The following KANSL2 variants were observed in gnomAD, a reference collection of about 807,000 sequenced individuals.
The protein encoded by KANSL2 is NSL complex protein NSL2.
A neutral mutation model predicts 55.6 loss-of-function variants in KANSL2; 34 were observed. The observed-to-expected ratio is 0.61, with a 90% confidence interval of 0.46 to 0.81. KANSL2 has a LOEUF of 0.81. KANSL2 is among the 40% of genes least tolerant of loss of function. The pLI, the probability that KANSL2 is intolerant of heterozygous loss-of-function variation, is 0.00. For synonymous variants in KANSL2, 209 were observed against 214.3 expected (o/e 0.98, Z 0.22); for missense variants, 502 against 609.9 (o/e 0.82, Z 1.86).
chr12:48,655,222 G>C (rs1488080721), intron 8 of KANSL2, among the ~76,000 whole-genome samples, 162 bp from the exon 9 acceptor site: 3 of 151,924 alleles, frequency 2.0e-5, no homozygotes, highest in Admixed American at 1.3e-4. Context: ...AATGAAACAA[G>C]ATCCAAAAGC....
chr12:48,669,289 C>A lies in KANSL2; in HGVS notation c.710-17G>T. On this transcript the variant is annotated splice_polypyrimidine_tract_variant and intron_variant, in intron 5 of 9. Coordinates refer to ENST00000420613, the MANE Select transcript of KANSL2 (RefSeq NM_017822.4). ...GACTACTGCCTAGAGTTACAAGAGTCAAGATGTTATTTGCCAAGCAATCCA... is the reference window on the plus strand; with the variant it reads ...GACTACTGCCTAGAGTTACAAGAGTAAAGATGTTATTTGCCAAGCAATCCA... 6.6e-7 allele frequency: 1 copy of A among 1,512,842 alleles called. No homozygotes were observed. Among genetic ancestry groups the A allele is most frequent in the Non-Finnish European group, 8.9e-7 (1 of 1,127,224 alleles). 93.7% of individuals were successfully genotyped at this position (1,512,842 alleles called of 1,614,324 possible). A position where few individuals can be genotyped will look rare whatever the true frequency, so the allele number is the denominator to read the frequency against.
At chr12:48,679,916 T>C in intron 2 of KANSL2, 83 bp from the exon 3 acceptor site, 1 of 1,173,176 alleles carries the variant, frequency 8.5e-7, no homozygotes, top group Non-Finnish European at 1.2e-6. Flanking sequence ...CTTTAAATCA[T>C]TTTTAGGGAA....
intron 8 of KANSL2, among the ~76,000 whole-genome samples, chr12:48,656,136 A>G (rs1939375817): frequency 6.6e-6 from 1 of 152,224 alleles, no homozygotes; most frequent in Non-Finnish European, 1.5e-5. Context: ...AAGCAAGCAA[A>G]CAAGCTCCAA....
At position 48,670,577 on chromosome 12, in the gene KANSL2, A is replaced by G. The variant is rs542773506; in HGVS notation, c.709+1222T>C. 1.8e-4 allele frequency among the ~76,000 whole-genome samples: 27 copies of G among 152,300 alleles called. No homozygotes were observed. In the South Asian group the frequency reaches 5.4e-3, roughly 30 times the overall value. ...TTTAATTAAAACTAGAAAAGCTTAT[A>G]GGGATATAAAAAAAATTTTTGTACA... is the stretch of plus-strand genomic sequence containing the variant. On this transcript the variant is annotated intron_variant, in intron 5 of 9. Coordinates refer to ENST00000420613, the MANE Select transcript of KANSL2 (RefSeq NM_017822.4).
Position 48,681,624 on chromosome 12 carries a change from C to G in KANSL2, c.9G>C (p.Arg3Ser), listed in dbSNP as rs1180843432. 6.2e-7 allele frequency: 1 copy of G among 1,614,038 alleles called. No homozygotes were observed. Among genetic ancestry groups the G allele is most frequent in the South Asian group, 1.1e-5 (1 of 91,086 alleles). The change falls in exon 2 of 10, where the codon AGG (arginine) becomes AGC (serine). Residue 3 changes from arginine (R) to serine (S), a missense_variant. By Grantham distance (110) the Arg-to-Ser change is moderately radical. Coordinates refer to ENST00000420613, the MANE Select transcript of KANSL2 (RefSeq NM_017822.4). MN[R>S]IRIHVLPTNR... The stretch of plus-strand genomic sequence containing the variant: ...TGGTTGGCAAGACGTGAATCCGAAT[C>G]CTGTTCATAACCAAAACCTGCGGGG...
chr12:48,666,554 G>A (rs1025969201), intron 7 of KANSL2, among the ~76,000 whole-genome samples: 59 of 151,144 alleles, frequency 3.9e-4, no homozygotes, highest in African/African-American at 1.4e-3. Flanking sequence ...TTAGCCAGGC[G>A]TGGTGGCACG....
chr12:48,671,565 T>TACC (rs753453234), intron 5 of KANSL2, among the ~76,000 whole-genome samples: 3 of 152,218 alleles, frequency 2.0e-5, no homozygotes, highest in Non-Finnish European at 4.4e-5. Flanking sequence ...GGTACACAAA[T>TACC]ACCACTGTTA....
intron 7 of KANSL2, among the ~76,000 whole-genome samples, chr12:48,665,563 C>CA (rs901443899): frequency 4.6e-5 from 7 of 151,368 alleles, no homozygotes; most frequent in Admixed American, 1.3e-4. Flanking sequence ...GATTCTGTCT[C>CA]AAAAAAAACA....
intron 1 of KANSL2, 43 bp from the exon 2 acceptor site, chr12:48,681,684 G>T: frequency 6.2e-7 from 1 of 1,612,190 alleles, no homozygotes; most frequent in Non-Finnish European, 8.5e-7. Context: ...TACCCTTCCC[G>T]AAAATTCCTG....
intron 3 of KANSL2, among the ~76,000 whole-genome samples, 187 bp downstream of exon 3, chr12:48,679,468 A>C (rs1939882073): frequency 6.6e-6 from 1 of 152,246 alleles, no homozygotes; most frequent in South Asian, 2.1e-4. Context: ...AACTCAGGAA[A>C]GTAAACCTAG....
At chr12:48,673,276 C>A (rs1356171464) in intron 4 of KANSL2, among the ~76,000 whole-genome samples, 1 of 152,072 alleles carries the variant, frequency 6.6e-6, no homozygotes, top group Non-Finnish European at 1.5e-5. Flanking sequence ...AAAAGAATAT[C>A]TGGCCAGGCA....
rs374822472 is a variant in KANSL2 at position 48,669,197 on chromosome 12, C to T, written c.785G>A (p.Arg262Gln). 27 of 1,559,128 alleles carry T rather than the reference C, an allele frequency of 1.7e-5. No individual in the cohort carries two copies. The highest frequency in any genetic ancestry group is 2.2e-5 in the Non-Finnish European group (25 of 1,150,744). ...CACTCCATAGCGCTGGCGGTATCGTCGCAGACATTTTAATCGCTTTAAGTT... is the reference window on the plus strand; with the variant it reads ...CACTCCATAGCGCTGGCGGTATCGTTGCAGACATTTTAATCGCTTTAAGTT... The part of the protein sequence containing the change: ...RENLKRLKCL[R>Q]RYRQRYGVEA... The change falls in exon 6 of 10, where the codon CGA (arginine) becomes CAA (glutamine). Residue 262 changes from arginine to glutamine, a missense_variant. Coordinates refer to ENST00000420613, the MANE Select transcript of KANSL2 (RefSeq NM_017822.4).
chr12:48,680,756 C>T (rs1168725478), intron 2 of KANSL2, among the ~76,000 whole-genome samples: 1 of 148,672 alleles, frequency 6.7e-6, no homozygotes, highest in African/African-American at 2.5e-5. Flanking sequence ...GCGGATGGAT[C>T]ACCTGAGGTC....
chr12:48,664,476 T>C (rs1939551234), intron 7 of KANSL2, among the ~76,000 whole-genome samples: 2 of 151,918 alleles, frequency 1.3e-5, no homozygotes, highest in South Asian at 4.2e-4. Context: ...GATGGGGTTT[T>C]GCCGTGTTAG....
intron 7 of KANSL2, 180 bp downstream of exon 7, chr12:48,667,513 C>A: frequency 1.4e-6 from 1 of 732,400 alleles, no homozygotes; most frequent in South Asian, 1.4e-5. Context: ...AAATGGCCAA[C>A]AGACCATAGA....
At chr12:48,660,169 G>A (rs1033126558) in intron 8 of KANSL2, among the ~76,000 whole-genome samples, 197 bp downstream of exon 8, 1 of 152,122 alleles carries the variant, frequency 6.6e-6, no homozygotes, top group Non-Finnish European at 1.5e-5. Context: ...AAAAGGTATG[G>A]GAAGAGTCTG....
At chr12:48,657,408 G>A (rs914107735) in intron 8 of KANSL2, among the ~76,000 whole-genome samples, 6 of 152,000 alleles carry the variant, frequency 3.9e-5, no homozygotes, top group Non-Finnish European at 8.8e-5. Flanking sequence ...CTGGGCAACA[G>A]AGCAAGACTC....
In KANSL2 at chr12:48,662,342, TG is replaced by T. The variant is rs1253455304; in HGVS notation, c.974-1724del. Among the ~76,000 whole-genome samples the T allele has an allele frequency of 3.3e-5, 5 of 152,198 alleles. 1 individual carries two copies. The highest frequency in any genetic ancestry group is 3.3e-4 in the Admixed American group (5 of 15,282). On this transcript the variant is annotated intron_variant, in intron 7 of 9. Coordinates refer to ENST00000420613, the MANE Select transcript of KANSL2 (RefSeq NM_017822.4). ...CTGGTCTCTAACTCCTGACCTCAGG[TG>T]ATCAGCCCGCCTCAGCCTCCCAAAG...
chr12:48,670,545 AT>A (rs1032822461), intron 5 of KANSL2, among the ~76,000 whole-genome samples: 4 of 151,752 alleles, frequency 2.6e-5, no homozygotes, highest in East Asian at 1.9e-4. Flanking sequence ...GTTTAAAAGG[AT>A]TTTTTTTTAA....
Sources: allele counts gnomAD v4.1 joint callset (sites outside exome capture counted in the v4.1 genomes callset), GRCh38; gene constraint gnomAD v4.1.1; transcripts MANE v1.5; gene names NCBI Gene and HGNC (gene_info 2026-07-23, HGNC 2026-07-21).